KIAA1217: variants seen among roughly 807,000 people sequenced by gnomAD.
The protein encoded by KIAA1217 is sickle tail protein homolog.
A neutral mutation model predicts 163.9 loss-of-function variants in KIAA1217; 88 were observed. The ratio of observed to expected loss-of-function variants is 0.54; its 90% CI spans 0.45 to 0.64. The LOEUF is 0.64. KIAA1217 is among the 30% of genes least tolerant of loss of function. The pLI is 0.00. For synonymous variants in KIAA1217, 903 were observed against 923.1 expected, an observed-to-expected ratio of 0.98 and a Z score of 0.39; for missense variants, 2,372 against 2,475.0, an observed-to-expected ratio of 0.96 and a Z score of 0.88.
intron 1 of KIAA1217, among the ~76,000 whole-genome samples, chr10:23,734,181 T>C (rs1436294825): frequency 1.3e-5 from 2 of 152,152 alleles, no homozygotes; most frequent in Non-Finnish European, 2.9e-5. Flanking sequence ...TGGACCAATC[T>C]CTGCACTTAT....
intron 5 of KIAA1217, among the ~76,000 whole-genome samples, chr10:24,471,886 C>CAAA (rs749624402): frequency 6.0e-4 from 28 of 46,878 alleles, no homozygotes; most frequent in African/African-American, 1.9e-3. Context: ...GACTCCATCT[C>CAAA]AAAAAAAAAA....
At chr10:24,098,763 G>C (rs2062269332) in intron 2 of KIAA1217, among the ~76,000 whole-genome samples, 1 of 150,644 alleles carries the variant, frequency 6.6e-6, no homozygotes, top group South Asian at 2.1e-4. Flanking sequence ...GTGTGTGTTA[G>C]AGAGAGACAG....
chr10:23,711,026 A>T (rs1837218745), intron 1 of KIAA1217, among the ~76,000 whole-genome samples: 1 of 152,200 alleles, frequency 6.6e-6, no homozygotes. Context: ...CAAAAGTGAG[A>T]CTATTGACTC....
At chr10:23,999,270 G>C (rs1468688222) in intron 1 of KIAA1217, among the ~76,000 whole-genome samples, 1 of 152,178 alleles carries the variant, frequency 6.6e-6, no homozygotes, top group South Asian at 2.1e-4. Context: ...TTTGCCCCAG[G>C]GAGGGTGCCT....
At chr10:24,313,991 C>G (rs185293589) in intron 2 of KIAA1217, among the ~76,000 whole-genome samples, 1 of 151,960 alleles carries the variant, frequency 6.6e-6, no homozygotes, top group Non-Finnish European at 1.5e-5. Context: ...CAGTGCCCAC[C>G]ACCGCGCCCA....
chr10:24,429,661 G>A (rs554711494), intron 3 of KIAA1217, among the ~76,000 whole-genome samples: 15 of 152,144 alleles, frequency 9.9e-5, no homozygotes, highest in Admixed American at 3.9e-4. Flanking sequence ...GTTCTCTTCC[G>A]AGTTTCTTTT....
intron 1 of KIAA1217, among the ~76,000 whole-genome samples, chr10:23,726,824 T>C (rs966287365): frequency 6.6e-6 from 1 of 152,090 alleles, no homozygotes; most frequent in African/African-American, 2.4e-5. Context: ...TTACTAACTC[T>C]CTTAAATTAC....
chr10:24,472,773 T>C (rs983114201), intron 5 of KIAA1217, among the ~76,000 whole-genome samples: 1 of 152,140 alleles, frequency 6.6e-6, no homozygotes, highest in Admixed American at 6.5e-5. Flanking sequence ...AGATCAGAAG[T>C]CCTTAATGGA....
intron 2 of KIAA1217, among the ~76,000 whole-genome samples, chr10:24,223,708 GTTCTTTTTTT>G (rs1169091131): frequency 6.8e-6 from 1 of 147,238 alleles, no homozygotes; most frequent in Non-Finnish European, 1.5e-5. Flanking sequence ...TAAAATCTAG[GTTCTTTTTTT>G]TTTTTTTTTT....
Position 24,217,762 on chromosome 10 carries a change from A to G in KIAA1217, c.71-1864A>G, listed in dbSNP as rs570361101. On this transcript the variant is annotated intron_variant, in intron 1 of 20. Coordinates refer to ENST00000376454, the MANE Select transcript of KIAA1217 (RefSeq NM_019590.5). ...GGATTCAACTGAGCAGAACTCCCAA[A>G]TATTAAATCTGTATTTTTCTGCACT... is the stretch of plus-strand genomic sequence containing the variant. Among the ~76,000 whole-genome samples, 4 of 152,342 alleles carry G rather than the reference A, an allele frequency of 2.6e-5. No individual in the cohort carries two copies. In the South Asian group the frequency reaches 8.3e-4, roughly 32 times the overall value.
At position 24,303,157 on chromosome 10, in the gene KIAA1217, G is replaced by A. The variant is rs560645623; in HGVS notation, c.355-77712G>A. Among the ~76,000 whole-genome samples the A allele has an allele frequency of 2.6e-5, 4 of 152,092 alleles. No homozygotes were observed. In the South Asian group the frequency reaches 6.2e-4, roughly 24 times the overall value. ...GCCTTCCTAGTAGCTGGGACTGCAGGTGCACACCACCAAGCCCAGTTAATT... is the reference window on the plus strand; with the variant it reads ...GCCTTCCTAGTAGCTGGGACTGCAGATGCACACCACCAAGCCCAGTTAATT... On this transcript the variant is annotated intron_variant, in intron 2 of 20. Transcript: ENST00000376454.
intron 2 of KIAA1217, among the ~76,000 whole-genome samples, chr10:24,143,971 G>A (rs1394985567): frequency 1.3e-5 from 2 of 152,086 alleles, no homozygotes; most frequent in Non-Finnish European, 2.9e-5. Flanking sequence ...GCTGATTTAG[G>A]GTTAAGTCTG....
rs534869805 is a variant in KIAA1217, at chr10:24,077,746, G to A, written c.-171+70372G>A. 7.9e-5 allele frequency among the ~76,000 whole-genome samples: 12 copies of A among 152,280 alleles called. No homozygotes were observed. In the South Asian group the frequency reaches 2.5e-3, roughly 32 times the overall value. On this transcript the variant is annotated intron_variant, in intron 2 of 18. Coordinates refer to the KIAA1217 transcript ENST00000376462. ...AGTATTTCTGCCTCTTAGGGCTTTGGAGAATTGCCATACCATCTTCCAAAA... is the reference window on the plus strand; with the variant it reads ...AGTATTTCTGCCTCTTAGGGCTTTGAAGAATTGCCATACCATCTTCCAAAA...
chr10:23,972,955 T>A (rs1845382085), intron 1 of KIAA1217, among the ~76,000 whole-genome samples: 1 of 151,744 alleles, frequency 6.6e-6, no homozygotes, highest in Admixed American at 6.6e-5. Context: ...TGGGGCCTGT[T>A]GGGGTTTGGG....
chr10:23,801,916 C>T (rs565057574), intron 1 of KIAA1217, among the ~76,000 whole-genome samples: 26 of 152,266 alleles, frequency 1.7e-4, no homozygotes, highest in African/African-American at 5.5e-4. Flanking sequence ...AATATGCATA[C>T]GGACATAAAT....
chr10:24,152,010 A>C (rs573928302), intron 2 of KIAA1217, among the ~76,000 whole-genome samples: 1 of 152,252 alleles, frequency 6.6e-6, no homozygotes, highest in Non-Finnish European at 1.5e-5. Context: ...AGAGTAGTTA[A>C]GTTTTGTGAC....
chr10:24,469,813 C>T (rs1022128396), intron 5 of KIAA1217, among the ~76,000 whole-genome samples: 16 of 151,566 alleles, frequency 1.1e-4, no homozygotes, highest in Non-Finnish European at 2.2e-4. Flanking sequence ...GGTTTTGCCA[C>T]GTTGGCCAGG....
intron 1 of KIAA1217, among the ~76,000 whole-genome samples, chr10:23,741,266 A>G (rs1277006016): frequency 6.6e-6 from 1 of 152,050 alleles, no homozygotes; most frequent in Non-Finnish European, 1.5e-5. Flanking sequence ...GAGGGGTCAG[A>G]GAGAATACAC....
chr10:24,462,014 CG>C (rs2062455421), intron 5 of KIAA1217, among the ~76,000 whole-genome samples: 1 of 151,806 alleles, frequency 6.6e-6, no homozygotes. Context: ...ATAAGTAATC[CG>C]GTGCCTGTGA....
Sources: gnomAD v4.1 joint callset for allele counts (sites outside exome capture counted in the v4.1 genomes callset) on GRCh38, gnomAD v4.1.1 for gene constraint, MANE v1.5 for transcripts, NCBI Gene and HGNC (gene_info 2026-07-23, HGNC 2026-07-21) for gene names.